The following SVEP1 variants were observed in gnomAD, a reference collection of about 807,000 sequenced individuals.
The protein encoded by SVEP1 is sushi, von Willebrand factor type A, EGF and pentraxin domain containing 1, also known as sushi, von Willebrand factor type A, EGF and pentraxin domain-containing protein 1.
SVEP1 carries 164 observed loss-of-function variants against 367.3 expected under a neutral mutation model. The observed-to-expected ratio is 0.45, with a 90% confidence interval of 0.39 to 0.51. The LOEUF (loss-of-function observed/expected upper bound fraction) is 0.51. Among genes scored for constraint, SVEP1 ranks in the 20% least tolerant of loss-of-function variants. The pLI is 0.00. For missense variants in SVEP1, 4,117 were observed against 4,425.3 expected (o/e 0.93, Z 1.98); for synonymous variants, 1,666 against 1,611.6 (o/e 1.03, Z -0.81).
At position 110,408,167 on chromosome 9, in the gene SVEP1, G is replaced by A. The variant is rs774715045; in HGVS notation, c.7433C>T (p.Thr2478Ile). ...PGFELVGNTT[T>I]LCGENGHWLG... ...CCAGTGACCATTTTCTCCACAAAGG[G>A]TGGTAGTATTTCCCACCAATTCAAA... Residue 2478 changes from threonine (T) to isoleucine (I), a missense_variant, in exon 38 of 48, where the codon ACC (threonine) becomes ATC (isoleucine). Transcript: ENST00000374469. The A allele has an allele frequency of 6.8e-6, 11 of 1,613,830 alleles. No individual in the cohort carries two copies. The African/African-American group carries it at 1.3e-4, about 20-fold the overall frequency.
intron 21 of SVEP1, 106 bp downstream of exon 21, chr9:110,457,150 C>G (rs919884631): frequency 1.1e-6 from 1 of 904,896 alleles, no homozygotes; most frequent in East Asian, 2.9e-5. Flanking sequence ...TTTACATGGT[C>G]TAATGTATCT....
intron 27 of SVEP1, among the ~76,000 whole-genome samples, chr9:110,440,922 C>T (rs1828501796): frequency 6.7e-6 from 1 of 148,974 alleles, no homozygotes; most frequent in Non-Finnish European, 1.5e-5. Flanking sequence ...AGGGCACAGC[C>T]ATAAATTAAA....
chr9:110,389,037 TA>T (rs1160407462), intron 41 of SVEP1, among the ~76,000 whole-genome samples: 1 of 152,182 alleles, frequency 6.6e-6, no homozygotes, highest in African/African-American at 2.4e-5. Context: ...ATACTGGGGA[TA>T]AAGTTATGTG....
intron 24 of SVEP1, among the ~76,000 whole-genome samples, 197 bp from the exon 25 acceptor site, chr9:110,447,254 C>T (rs1306985161): frequency 6.6e-6 from 1 of 152,140 alleles, no homozygotes; most frequent in African/African-American, 2.4e-5. Context: ...TAGAAATGTG[C>T]AGTAGCAAAA....
intron 1 of SVEP1, among the ~76,000 whole-genome samples, chr9:110,551,045 A>T (rs1325502235): frequency 6.6e-6 from 1 of 152,204 alleles, no homozygotes; most frequent in Non-Finnish European, 1.5e-5. Flanking sequence ...CTTAGAAGAA[A>T]TTCCTATTAA....
Position 110,579,489 on chromosome 9 carries a change from C to T in SVEP1, c.55G>A (p.Ala19Thr). 4.4e-6 allele frequency: 7 copies of T among 1,605,290 alleles called. No homozygotes were observed. Among genetic ancestry groups the T allele is most frequent in the Non-Finnish European group, 5.9e-6 (7 of 1,176,938 alleles). ...GACGGGGACATCTGCTGAAAGGTCG[C>T]CCAGCCCGAAACGAGCGCCAGACCC... is the stretch of plus-strand genomic sequence containing the variant. Reference protein sequence around the residue: ...CWGLALVSGWATFQQMSPSRN... With the variant: ...CWGLALVSGWTTFQQMSPSRN... Residue 19 changes from alanine (A) to threonine (T), a missense_variant, in exon 1 of 48, where the codon GCG (alanine) becomes ACG (threonine). Transcript: ENST00000374469. This position sits in a 1 kb window ranked among gnomAD's most constrained non-coding sequence, Gnocchi z 5.3.
intron 18 of SVEP1, among the ~76,000 whole-genome samples, chr9:110,461,666 T>A (rs1000318693): frequency 3.9e-5 from 6 of 152,150 alleles, no homozygotes; most frequent in African/African-American, 1.4e-4. Context: ...AATAGCCAAA[T>A]TTTTTGCTAA....
intron 3 of SVEP1, among the ~76,000 whole-genome samples, chr9:110,537,889 T>C (rs1830097886): frequency 6.6e-6 from 1 of 152,012 alleles, no homozygotes; most frequent in Admixed American, 6.6e-5. Flanking sequence ...AAGATCATGA[T>C]TCAGTTAGTA....
rs1827199680 is a variant in SVEP1 at position 110,366,391 on chromosome 9, CAAAAT to C, written c.*143_*147del. 1.5e-6 allele frequency: 1 copy of C among 680,560 alleles called. No homozygotes were observed. The highest frequency in any genetic ancestry group is 3.1e-5 in the East Asian group (1 of 32,032). The allele number at this position is 680,560 out of a possible 1,614,324, so 42.2% of individuals were successfully genotyped here. On this transcript the variant is annotated 3_prime_UTR_variant, in exon 48 of 48. Transcript: ENST00000374469. ...TCACAAGGAATAACAAAATATATCA[CAAAAT>C]AAAAAAAGTAACCCCAAGTAACAAG...
intron 1 of SVEP1, among the ~76,000 whole-genome samples, chr9:110,561,569 T>C (rs997706298): frequency 5.3e-5 from 8 of 152,206 alleles, no homozygotes; most frequent in African/African-American, 1.9e-4. Context: ...AATTCTATCC[T>C]GCAATCATGA....
In SVEP1 at chr9:110,503,021, A is replaced by C; in HGVS notation, c.1483+17T>G. The C allele has an allele frequency of 6.2e-7, 1 of 1,604,748 alleles. No homozygotes were observed. The highest frequency in any genetic ancestry group is 8.5e-7 in the Non-Finnish European group (1 of 1,176,184). On this transcript the variant is annotated intron_variant, in intron 6 of 47. Transcript: ENST00000374469. ...GGAAATGAATCACTCAAGGCATTACACCTTCTAGAAACTTACCCACACACC... is the reference window on the plus strand; with the variant it reads ...GGAAATGAATCACTCAAGGCATTACCCCTTCTAGAAACTTACCCACACACC...
At chr9:110,479,128 C>G (rs939539945) in intron 13 of SVEP1, among the ~76,000 whole-genome samples, 16 of 152,054 alleles carry the variant, frequency 1.1e-4, no homozygotes, top group Non-Finnish European at 1.8e-4. Context: ...CCATGTTGGC[C>G]AGGCTGGTCT....
intron 9 of SVEP1, among the ~76,000 whole-genome samples, chr9:110,484,896 G>A (rs369452228): frequency 1.3e-5 from 2 of 152,094 alleles, no homozygotes; most frequent in Non-Finnish European, 2.9e-5. Context: ...ACCATCTCAC[G>A]TCAGTCAGAA....
At chr9:110,504,218 C>CT (rs992240804) in intron 5 of SVEP1, among the ~76,000 whole-genome samples, 4 of 103,648 alleles carry the variant, frequency 3.9e-5, no homozygotes, top group East Asian at 2.2e-4. Flanking sequence ...CCACGCCCGG[C>CT]TATTTTTTTT....
At chr9:110,522,926 A>G (rs957671626) in intron 3 of SVEP1, among the ~76,000 whole-genome samples, 5 of 152,174 alleles carry the variant, frequency 3.3e-5, no homozygotes, top group African/African-American at 1.2e-4. Flanking sequence ...TCTAACCTCC[A>G]TACATAGGTT....
intron 40 of SVEP1, among the ~76,000 whole-genome samples, chr9:110,396,182 G>A (rs1294000275): frequency 6.6e-6 from 1 of 152,150 alleles, no homozygotes; most frequent in African/African-American, 2.4e-5. Flanking sequence ...CTAGAACTCA[G>A]TATTAAGAAA....
At position 110,483,575 on chromosome 9, in the gene SVEP1, T is replaced by C. The variant is rs1397348260; in HGVS notation, c.2038+11A>G. On this transcript the variant is annotated intron_variant, in intron 10 of 47. Coordinates refer to ENST00000374469, the MANE Select transcript of SVEP1 (RefSeq NM_153366.4). ...GCTACTATGCTGACAACAAAGTCCT[T>C]GTCACCTCACCTGAGTTGTCTGAGA... The C allele has an allele frequency of 5.6e-6, 9 of 1,596,828 alleles. No homozygotes were observed. Among genetic ancestry groups the C allele is most frequent in the South Asian group, 2.3e-5 (2 of 87,758 alleles).
At chr9:110,565,198 T>C (rs985115522) in intron 1 of SVEP1, among the ~76,000 whole-genome samples, 1 of 152,200 alleles carries the variant, frequency 6.6e-6, no homozygotes, top group African/African-American at 2.4e-5. Flanking sequence ...AATGTTATGA[T>C]GCAGGGGAAC....
chr9:110,532,389 G>C (rs1182432302), intron 3 of SVEP1, among the ~76,000 whole-genome samples: 1 of 152,140 alleles, frequency 6.6e-6, no homozygotes, highest in East Asian at 1.9e-4. Flanking sequence ...TGTCATAGAA[G>C]TTAGTTTGCT....
Sources: gnomAD v4.1 joint callset for allele counts (sites outside exome capture counted in the v4.1 genomes callset) on GRCh38, gnomAD v4.1.1 for gene constraint, Gnocchi (gnomAD v3.1) non-coding constraint, MANE v1.5 for transcripts, NCBI Gene and HGNC (gene_info 2026-07-23, HGNC 2026-07-21) for gene names.